CMTM7: variants seen among roughly 807,000 people sequenced by gnomAD.
CMTM7 encodes CKLF-like MARVEL transmembrane domain-containing protein 7.
Under a neutral mutation model 19.3 loss-of-function variants are expected in CMTM7, and 7 were observed. The observed-to-expected ratio is 0.36, with a 90% CI of 0.21 to 0.68. The LOEUF (loss-of-function observed/expected upper bound fraction) is 0.68. CMTM7 is among the 30% of genes least tolerant of loss of function. The pLI, the probability that CMTM7 is intolerant of heterozygous loss-of-function variation, is 0.60. For missense variants in CMTM7, 193 were observed against 232.6 expected (o/e 0.83, Z 1.11); for synonymous variants, 87 against 99.3 (o/e 0.88, Z 0.74).
At chr3:32,414,316 C>T (rs1696226338) in intron 1 of CMTM7, among the ~76,000 whole-genome samples, 1 of 152,346 alleles carries the variant, frequency 6.6e-6, no homozygotes, top group East Asian at 1.9e-4. Flanking sequence ...TTCTTTACCG[C>T]TGTATTTCAG....
intron 1 of CMTM7, among the ~76,000 whole-genome samples, chr3:32,399,227 C>T: frequency 6.6e-6 from 1 of 151,654 alleles, no homozygotes; most frequent in Non-Finnish European, 1.5e-5. Flanking sequence ...CTGTACCGCC[C>T]CCTAGGGGTT....
intron 1 of CMTM7, among the ~76,000 whole-genome samples, chr3:32,402,602 G>T (rs1696027328): frequency 6.6e-6 from 1 of 151,998 alleles, no homozygotes; most frequent in East Asian, 1.9e-4. Flanking sequence ...TCACTTTGTC[G>T]CCCAGGCTGG....
At chr3:32,404,085 C>G (rs1307673561) in intron 1 of CMTM7, among the ~76,000 whole-genome samples, 1 of 151,086 alleles carries the variant, frequency 6.6e-6, no homozygotes, top group African/African-American at 2.4e-5. Context: ...AATTCCTGCT[C>G]TATTATGTCT....
chr3:32,404,160 T>TAC (rs1559401400), intron 1 of CMTM7, among the ~76,000 whole-genome samples: 2 of 70,972 alleles, frequency 2.8e-5, no homozygotes, highest in African/African-American at 6.8e-5. Context: ...TTCTTTTTTT[T>TAC]TCTTTTTTTT....
intron 1 of CMTM7, among the ~76,000 whole-genome samples, chr3:32,419,873 G>A (rs929120108): frequency 6.6e-6 from 1 of 152,148 alleles, no homozygotes; most frequent in African/African-American, 2.4e-5. Flanking sequence ...AGATATTCAT[G>A]TATTCATGGT....
intron 1 of CMTM7, among the ~76,000 whole-genome samples, chr3:32,408,915 G>A (rs1485627998): frequency 6.6e-6 from 1 of 150,418 alleles, no homozygotes; most frequent in Non-Finnish European, 1.5e-5. Flanking sequence ...ACAAAGTCTC[G>A]CTCTGTCGCC....
At position 32,419,708 on chromosome 3, in the gene CMTM7, T is replaced by C. The variant is rs189188043; in HGVS notation, c.160-22132T>C. Among the ~76,000 whole-genome samples, 26 of 152,386 alleles carry C rather than the reference T, an allele frequency of 1.7e-4. No individual in the cohort carries two copies. The East Asian group carries it at 4.4e-3, about 26-fold the overall frequency. On this transcript the variant is annotated intron_variant, in intron 1 of 4. Coordinates refer to ENST00000334983, the MANE Select transcript of CMTM7 (RefSeq NM_138410.4). ...GAAACATTTGGAAGTACTGAACTAC[T>C]CATGCATTCCTGTGATAAACCTTAG...
intron 1 of CMTM7, among the ~76,000 whole-genome samples, chr3:32,394,434 C>T (rs898517909): frequency 6.6e-6 from 1 of 152,192 alleles, no homozygotes; most frequent in Non-Finnish European, 1.5e-5. Context: ...TCATCATGAT[C>T]TGATCAATAG....
At position 32,454,411 on chromosome 3, in the gene CMTM7, G is replaced by C. The variant is rs905235695; in HGVS notation, c.*157G>C. 1 of 845,282 alleles carries C rather than the reference G, an allele frequency of 1.2e-6. No homozygotes were observed. Among genetic ancestry groups the C allele is most frequent in the Admixed American group, 2.0e-5 (1 of 50,194 alleles). 52.4% of individuals were successfully genotyped at this position (845,282 alleles called of 1,614,324 possible). On this transcript the variant is annotated 3_prime_UTR_variant, in exon 5 of 5. Transcript: ENST00000334983. ...CTCTTCCTGCTCTCCCAGGAAGCCA[G>C]CTCCCTGAGCTCCTGAGCCAGCCGG...
At chr3:32,402,469 G>T (rs1696025064) in intron 1 of CMTM7, among the ~76,000 whole-genome samples, 1 of 152,214 alleles carries the variant, frequency 6.6e-6, no homozygotes, top group Non-Finnish European at 1.5e-5. Flanking sequence ...GTAACCCGCA[G>T]TTTCCACTTA....
At chr3:32,419,996 T>C (rs762417871) in intron 1 of CMTM7, among the ~76,000 whole-genome samples, 1 of 152,342 alleles carries the variant, frequency 6.6e-6, no homozygotes, top group East Asian at 1.9e-4. Context: ...CTTGAAGTTA[T>C]GCAGCTCAAT....
rs77549536 is a variant in CMTM7 at position 32,432,007 on chromosome 3, G to A, written c.160-9833G>A. On this transcript the variant is annotated intron_variant, in intron 1 of 4. Transcript: ENST00000334983. ...GGGGTGGGTACAAGCTCAAACCACC[G>A]AGTTGTTTCAGCCCAAGCTCGCTTC... Among the ~76,000 whole-genome samples, 1,097 of 152,302 alleles carry A rather than the reference G, an allele frequency of 7.2e-3. 14 individuals carry two copies. Among genetic ancestry groups the A allele is most frequent in the African/African-American group, 0.025 (1,034 of 41,558 alleles).
At chr3:32,428,384 G>A (rs985894193) in intron 1 of CMTM7, among the ~76,000 whole-genome samples, 8 of 152,166 alleles carry the variant, frequency 5.3e-5, no homozygotes, top group African/African-American at 1.9e-4. Context: ...TAACCAGATC[G>A]GGGTACCTCA....
chr3:32,433,855 C>CAGAA (rs2125636204), intron 1 of CMTM7, among the ~76,000 whole-genome samples: 1 of 152,260 alleles, frequency 6.6e-6, no homozygotes, highest in Admixed American at 6.5e-5. Flanking sequence ...TGGATACAAT[C>CAGAA]AGAACCCTAC....
intron 2 of CMTM7, among the ~76,000 whole-genome samples, chr3:32,446,241 A>G (rs1696751367): frequency 6.6e-6 from 1 of 152,200 alleles, no homozygotes; most frequent in African/African-American, 2.4e-5. Context: ...TTAGTAGTAT[A>G]TATGTCTAGG....
chr3:32,419,677 A>T (rs888559637), intron 1 of CMTM7, among the ~76,000 whole-genome samples: 2 of 152,252 alleles, frequency 1.3e-5, no homozygotes, highest in African/African-American at 4.8e-5. Flanking sequence ...TAAGGCATAT[A>T]CATTTGAAAC....
At chr3:32,413,014 C>T (rs1696201907) in intron 1 of CMTM7, among the ~76,000 whole-genome samples, 1 of 152,176 alleles carries the variant, frequency 6.6e-6, no homozygotes, top group Non-Finnish European at 1.5e-5. Flanking sequence ...TGAACATTTT[C>T]AGGGGTTGGC....
chr3:32,434,185 G>A (rs1406999188), intron 1 of CMTM7, among the ~76,000 whole-genome samples: 3 of 151,938 alleles, frequency 2.0e-5, no homozygotes, highest in Middle Eastern at 3.2e-3. Flanking sequence ...GTGAAGCTCC[G>A]TCTCAAAAAA....
intron 1 of CMTM7, among the ~76,000 whole-genome samples, chr3:32,425,267 T>C (rs1696413230): frequency 6.6e-6 from 1 of 152,172 alleles, no homozygotes; most frequent in South Asian, 2.1e-4. Context: ...TTCGGCTCCT[T>C]ATAAAAAAAG....
Sources: allele counts gnomAD v4.1 joint callset (sites outside exome capture counted in the v4.1 genomes callset), GRCh38; gene constraint gnomAD v4.1.1; transcripts MANE v1.5; gene names NCBI Gene and HGNC (gene_info 2026-07-23, HGNC 2026-07-21).